Variants in DMD observed in about 807,000 individuals in gnomAD.
DMD encodes the protein mutant dystrophin.
A neutral mutation model predicts 330.1 loss-of-function variants in DMD; 63 were observed. The observed-to-expected ratio is 0.19, with a 90% CI of 0.16 to 0.24. The LOEUF (loss-of-function observed/expected upper bound fraction) is 0.24. Among genes scored for constraint, DMD ranks in the 10% least tolerant of loss-of-function variants. The pLI, the probability that DMD is intolerant of heterozygous loss-of-function variation, is 1.00. For missense variants in DMD, 3,344 were observed against 2,684.1 expected (o/e 1.25, Z -5.43); for synonymous variants, 1,223 against 959.8 (o/e 1.27, Z -5.07).
intron 51 of DMD, among the ~76,000 whole-genome samples, chrX:31,743,461 G>A (rs1048276611): frequency 8.9e-6 from 1 of 112,453 alleles, no homozygotes; most frequent in African/African-American, 3.2e-5. Context: ...CCCATCAGTG[G>A]CAGACTGGAG....
At position 31,511,470 on chromosome X, in the gene DMD, T is replaced by C. The variant is rs1258217712; in HGVS notation, c.8218-4017A>G. ...TAGCATTAGGTATATCTCCCAATGC[T>C]ATCCCTCCCCCCTCCCCCCACCCCA... On this transcript the variant is annotated intron_variant, in intron 55 of 78. Coordinates refer to ENST00000357033, the MANE Select transcript of DMD (RefSeq NM_004006.3). Among the ~76,000 whole-genome samples the C allele has an allele frequency of 1.7e-4, 15 of 86,863 alleles. No individual in the cohort carries two copies. In the East Asian group the frequency reaches 3.2e-3, roughly 19 times the overall value. The allele number at this position is 86,863 out of a possible 115,157, so 75.4% of individuals were successfully genotyped here.
chrX:32,705,532 G>A (rs1243695643), intron 7 of DMD, among the ~76,000 whole-genome samples: 2 of 111,853 alleles, frequency 1.8e-5, no homozygotes, highest in Non-Finnish European at 3.8e-5. Flanking sequence ...CAGTGGCTCA[G>A]GCTGGGCGCT....
At chrX:33,109,039 G>C (rs1414267710) in intron 1 of DMD, among the ~76,000 whole-genome samples, 1 of 109,114 alleles carries the variant, frequency 9.2e-6, no homozygotes, top group Non-Finnish European at 1.9e-5. Context: ...ATCAGCTATA[G>C]ATGGCTTGTT....
intron 60 of DMD, among the ~76,000 whole-genome samples, chrX:31,366,871 A>G (rs889573100): frequency 9.2e-6 from 1 of 108,743 alleles, no homozygotes; most frequent in Non-Finnish European, 1.9e-5. Flanking sequence ...TTATAGCTTT[A>G]TTTAATGTTT....
intron 11 of DMD, among the ~76,000 whole-genome samples, chrX:32,637,230 G>T (rs775758074): frequency 9.0e-6 from 1 of 111,642 alleles, no homozygotes; most frequent in Admixed American, 9.5e-5. Context: ...GGAAATAGAA[G>T]CTCACTCTCA....
chrX:32,635,124 G>A (rs1286490481), intron 11 of DMD, among the ~76,000 whole-genome samples: 1 of 111,377 alleles, frequency 9.0e-6, no homozygotes, highest in Non-Finnish European at 1.9e-5. Flanking sequence ...TGACAGGGCA[G>A]CACTGATTTT....
upstream of DMD, among the ~76,000 whole-genome samples, chrX:33,212,926 A>G (rs140596751): frequency 1.6e-4 from 18 of 111,612 alleles, no homozygotes; most frequent in African/African-American, 5.2e-4. Flanking sequence ...GTGTCCCTCT[A>G]TGCTGTGAGG....
intron 51 of DMD, among the ~76,000 whole-genome samples, chrX:31,731,170 G>C (rs1473070063): frequency 8.9e-6 from 1 of 111,893 alleles, no homozygotes; most frequent in Non-Finnish European, 1.9e-5. Context: ...ACATTTGTAA[G>C]CTGTGATTGC....
intron 44 of DMD, among the ~76,000 whole-genome samples, chrX:31,996,144 GA>G (rs779473109): frequency 3.6e-4 from 40 of 111,482 alleles, no homozygotes; most frequent in Non-Finnish European, 6.6e-4. Flanking sequence ...AGAGAAATTG[GA>G]AAAAAAGAAA....
intron 2 of DMD, among the ~76,000 whole-genome samples, chrX:32,853,753 T>A: frequency 2.0e-5 from 1 of 50,744 alleles, no homozygotes; most frequent in Non-Finnish European, 3.3e-5. Context: ...AACTCTCCAA[T>A]CAAAACACAG....
intron 7 of DMD, among the ~76,000 whole-genome samples, chrX:32,768,844 A>G (rs2073288120): frequency 8.9e-6 from 1 of 111,904 alleles, no homozygotes; most frequent in South Asian, 3.8e-4. Context: ...CTTTTAAAGT[A>G]TAGATTTTTC....
intron 44 of DMD, among the ~76,000 whole-genome samples, chrX:32,189,883 CA>C (rs916786367): frequency 4.5e-5 from 5 of 110,887 alleles, no homozygotes; most frequent in Admixed American, 9.7e-5. Context: ...TGTTTTGTTA[CA>C]TTTTTTTTAT....
chrX:32,034,063 C>T (rs887101503), intron 44 of DMD, among the ~76,000 whole-genome samples: 3 of 111,739 alleles, frequency 2.7e-5, no homozygotes, highest in African/African-American at 9.7e-5. Context: ...CATTATTATT[C>T]CTTTTTCTTA....
At chrX:31,730,920 T>C (rs1569310028) in intron 51 of DMD, among the ~76,000 whole-genome samples, 2 of 111,777 alleles carry the variant, frequency 1.8e-5, no homozygotes, top group Admixed American at 9.5e-5. Context: ...TTATTTACTC[T>C]GTACTTTGAC....
chrX:32,387,187 A>C (rs989690604), intron 32 of DMD, among the ~76,000 whole-genome samples: 2 of 111,094 alleles, frequency 1.8e-5, no homozygotes, highest in Non-Finnish European at 3.8e-5. Context: ...AGGTTGCTAT[A>C]AAAAAGCATC....
intron 7 of DMD, among the ~76,000 whole-genome samples, chrX:32,802,126 T>C (rs1315993934): frequency 8.9e-6 from 1 of 112,074 alleles, no homozygotes; most frequent in East Asian, 2.8e-4. Flanking sequence ...TGATATTGAT[T>C]CTTCCTATCC....
chrX:32,854,550 T>C (rs2081383005), intron 2 of DMD, among the ~76,000 whole-genome samples: 1 of 100,253 alleles, frequency 1.0e-5, no homozygotes, highest in Non-Finnish European at 2.0e-5. Flanking sequence ...TAGCAAAGTT[T>C]ACAGCAATAA....
rs146698701 is a variant in DMD at position 33,288,749 on chromosome X, C to T, written c.7+50510G>A. ...ACTGAATGTCTTCCCCTTCTCTCTC[C>T]CTCCAATTTTTATAGTTCAGAGGAT... On this transcript the variant is annotated intron_variant, in intron 1 of 17. Transcript: ENST00000288447. 3.5e-3 allele frequency among the ~76,000 whole-genome samples: 393 copies of T among 111,855 alleles called. 1 individual carries two copies. The highest frequency in any genetic ancestry group is 0.012 in the African/African-American group (384 of 30,883).
At chrX:32,360,508 C>A (rs1254143764) in intron 37 of DMD, among the ~76,000 whole-genome samples, 3 of 111,021 alleles carry the variant, frequency 2.7e-5, no homozygotes, top group Non-Finnish European at 3.8e-5. Flanking sequence ...AAATCTGGGG[C>A]CAGGCACAGT....
Sources: gnomAD v4.1 joint callset for allele counts (sites outside exome capture counted in the v4.1 genomes callset) on GRCh38, gnomAD v4.1.1 for gene constraint, MANE v1.5 for transcripts, NCBI Gene and HGNC (gene_info 2026-07-23, HGNC 2026-07-21) for gene names.